The following TENM3 variants were observed in gnomAD, a reference collection of about 807,000 sequenced individuals.
TENM3 encodes teneurin transmembrane protein 3.
Under a neutral mutation model 255.1 loss-of-function variants are expected in TENM3, and 63 were observed. The observed-to-expected ratio is 0.25, with a 90% confidence interval of 0.20 to 0.30. The LOEUF (loss-of-function observed/expected upper bound fraction) is 0.30, where lower values mean the gene tolerates loss of function less well. TENM3 is among the 10% of genes least tolerant of loss of function. The probability of loss-of-function intolerance (pLI) is 1.00; values close to 1 mark genes in which losing one functional copy is unlikely to be tolerated. For missense variants in TENM3, 2,929 were observed against 3,461.1 expected, an observed-to-expected ratio of 0.85 and a Z score of 3.86; for synonymous variants, 1,306 against 1,322.3, an observed-to-expected ratio of 0.99 and a Z score of 0.27.
the TENM3 span, among the ~76,000 whole-genome samples, chr4:181,514,341 A>G: frequency 1.3e-5 from 2 of 152,340 alleles, no homozygotes; most frequent in East Asian, 1.9e-4. Context: ...CATTAACATC[A>G]TATTGAAAAT....
chr4:182,387,923 A>G (rs1456443913), intron 3 of TENM3, among the ~76,000 whole-genome samples: 3 of 120,202 alleles, frequency 2.5e-5, no homozygotes, highest in East Asian at 5.1e-4. Flanking sequence ...CTGGTTTCTA[A>G]GGGGTGATAA....
the TENM3 span, among the ~76,000 whole-genome samples, chr4:181,808,518 C>A: frequency 1.3e-5 from 2 of 152,116 alleles, no homozygotes; most frequent in African/African-American, 4.8e-5. Context: ...AAAATAAAAC[C>A]TCACTGGCAA....
chr4:182,220,879 AT>A (rs1755814625), intron 1 of TENM3, among the ~76,000 whole-genome samples: 1 of 152,162 alleles, frequency 6.6e-6, no homozygotes, highest in African/African-American at 2.4e-5. Flanking sequence ...TAGAAAGAAT[AT>A]TTTTCTTCTG....
the TENM3 span, among the ~76,000 whole-genome samples, chr4:181,571,064 T>A: frequency 1.3e-5 from 2 of 152,112 alleles, no homozygotes; most frequent in Non-Finnish European, 2.9e-5. Flanking sequence ...ATCGGGAGTG[T>A]TCTGTGGATT....
chr4:182,699,240 C>G (rs529982208), intron 12 of TENM3, among the ~76,000 whole-genome samples: 2 of 152,294 alleles, frequency 1.3e-5, no homozygotes, highest in South Asian at 4.1e-4. Flanking sequence ...GCAGCTGTTT[C>G]AGAAAGAATG....
chr4:181,719,013 T>A, the TENM3 span, among the ~76,000 whole-genome samples: 1 of 151,714 alleles, frequency 6.6e-6, no homozygotes, highest in Non-Finnish European at 1.5e-5. Context: ...GAGACCATCC[T>A]GGCTAACAAG....
the TENM3 span, among the ~76,000 whole-genome samples, chr4:181,694,117 C>G: frequency 6.6e-6 from 1 of 152,132 alleles, no homozygotes; most frequent in African/African-American, 2.4e-5. Flanking sequence ...GTTTTTAGAA[C>G]TGTGCCAAAA....
the TENM3 span, among the ~76,000 whole-genome samples, chr4:181,617,677 A>C: frequency 6.6e-6 from 1 of 152,184 alleles, no homozygotes; most frequent in Non-Finnish European, 1.5e-5. Flanking sequence ...CATAATCGTC[A>C]ATGAGCTCAT....
intron 3 of TENM3, among the ~76,000 whole-genome samples, chr4:182,538,431 G>A (rs529521199): frequency 3.9e-5 from 6 of 152,314 alleles, no homozygotes; most frequent in Admixed American, 2.0e-4. Context: ...GGAGGAAGGA[G>A]AGAAAGAAGA....
chr4:182,786,571 A>T (rs1050620887), intron 24 of TENM3, among the ~76,000 whole-genome samples: 1 of 151,776 alleles, frequency 6.6e-6, no homozygotes, highest in Non-Finnish European at 1.5e-5. Context: ...AAAAAAAAAA[A>T]AAAGAAATCA....
chr4:182,743,511 A>C, intron 19 of TENM3, 92 bp downstream of exon 19: 1 of 1,404,942 alleles, frequency 7.1e-7, no homozygotes, highest in Non-Finnish European at 9.8e-7. Context: ...TATTCATAGA[A>C]AAATACCATC....
In TENM3 at chr4:182,417,819, A is replaced by G. The variant is rs1004367075; in HGVS notation, c.511+70890A>G. The stretch of plus-strand genomic sequence containing the variant: ...GCCAGGAAGAGCCCATCATTTTGCT[A>G]TTTTCTTTGTTTTTAACATAGCTCT... On this transcript the variant is annotated intron_variant, in intron 3 of 27. Coordinates refer to ENST00000511685, the MANE Select transcript of TENM3 (RefSeq NM_001080477.4). 2.6e-5 allele frequency among the ~76,000 whole-genome samples: 4 copies of G among 152,074 alleles called. No individual in the cohort carries two copies. The South Asian group carries it at 6.2e-4, about 24-fold the overall frequency.
the TENM3 span, among the ~76,000 whole-genome samples, chr4:182,116,632 G>A: frequency 2.4e-4 from 37 of 152,302 alleles, no homozygotes; most frequent in African/African-American, 8.2e-4. Flanking sequence ...GGAACTGTGA[G>A]TCAATTAAGC....
the TENM3 span, among the ~76,000 whole-genome samples, chr4:181,842,540 C>A: frequency 1.3e-5 from 2 of 152,146 alleles, no homozygotes; most frequent in South Asian, 2.1e-4. Flanking sequence ...CTGCAACTCC[C>A]TTTTCGCTGT....
At chr4:181,497,185 A>ATT in the TENM3 span, among the ~76,000 whole-genome samples, 1 of 152,190 alleles carries the variant, frequency 6.6e-6, no homozygotes, top group East Asian at 1.9e-4. Context: ...CTTCATTCTA[A>ATT]TAGACACATA....
At chr4:181,885,530 G>C in the TENM3 span, among the ~76,000 whole-genome samples, 2 of 152,064 alleles carry the variant, frequency 1.3e-5, no homozygotes, top group African/African-American at 4.8e-5. Context: ...CAAAGTGCTG[G>C]AATTACAGGG....
At chr4:181,681,574 T>C in the TENM3 span, among the ~76,000 whole-genome samples, 30 of 152,282 alleles carry the variant, frequency 2.0e-4, 1 homozygote, top group South Asian at 5.0e-3. Flanking sequence ...AGTTAGCTAA[T>C]GCTTACTCTG....
chr4:182,231,657 T>G (rs1756589079), intron 1 of TENM3, among the ~76,000 whole-genome samples: 1 of 152,196 alleles, frequency 6.6e-6, no homozygotes, highest in Non-Finnish European at 1.5e-5. Context: ...CTCAGCTGTT[T>G]CAGGAGTGCC....
chr4:182,669,548 G>A (rs1248419326), intron 6 of TENM3, among the ~76,000 whole-genome samples: 2 of 151,998 alleles, frequency 1.3e-5, no homozygotes, highest in Admixed American at 1.3e-4. Context: ...AGGATTACAG[G>A]CGTGAGCCAC....
Sources: gnomAD v4.1 joint callset for allele counts (sites outside exome capture counted in the v4.1 genomes callset) on GRCh38, gnomAD v4.1.1 for gene constraint, MANE v1.5 for transcripts, NCBI Gene and HGNC (gene_info 2026-07-23, HGNC 2026-07-21) for gene names.